The following ACTL8 variants were observed in gnomAD, a reference collection of about 807,000 sequenced individuals.
The protein encoded by ACTL8 is actin like 8.
ACTL8 carries 3 observed loss-of-function variants against 9.3 expected under a neutral mutation model. The ratio of observed to expected loss-of-function variants is 0.32; its 90% CI spans 0.15 to 0.83. ACTL8 has a LOEUF of 0.83. Among genes scored for constraint, ACTL8 ranks in the 40% least tolerant of loss-of-function variants. The pLI, the probability that ACTL8 is intolerant of heterozygous loss-of-function variation, is 0.57. For synonymous variants in ACTL8, 224 were observed against 205.9 expected (o/e 1.09, Z -0.75); for missense variants, 381 against 492.2 (o/e 0.77, Z 2.14).
intron 1 of ACTL8, among the ~76,000 whole-genome samples, chr1:17,792,066 G>C (rs1222717892): frequency 6.6e-6 from 1 of 152,128 alleles, no homozygotes; most frequent in East Asian, 1.9e-4. Context: ...ACCCCAATGG[G>C]CCCCTCTCAG....
intron 1 of ACTL8, among the ~76,000 whole-genome samples, chr1:17,776,988 T>C (rs1462021749): frequency 2.3e-5 from 3 of 131,638 alleles, no homozygotes; most frequent in African/African-American, 6.1e-5. Context: ...TTTTTTTTTT[T>C]TTTTTTTTTT....
At chr1:17,807,752 C>A (rs2066368557) in intron 1 of ACTL8, among the ~76,000 whole-genome samples, 1 of 151,970 alleles carries the variant, frequency 6.6e-6, no homozygotes, top group Non-Finnish European at 1.5e-5. Flanking sequence ...GATCAGAAAA[C>A]CAAACACCAC....
chr1:17,809,779 C>G (rs1359252699), intron 1 of ACTL8, among the ~76,000 whole-genome samples: 1 of 151,974 alleles, frequency 6.6e-6, no homozygotes, highest in Admixed American at 6.6e-5. Flanking sequence ...CCCACTGATT[C>G]TACATGATGG....
rs60274430 is a variant in ACTL8, at chr1:17,787,205, T to C, written c.-25+31701T>C. Among the ~76,000 whole-genome samples the C allele has an allele frequency of 7.0e-3, 1,072 of 152,292 alleles. 85 individuals carry two copies. The East Asian group carries it at 0.17, about 25-fold the overall frequency. On this transcript the variant is annotated intron_variant, in intron 1 of 2. Transcript: ENST00000375406. The stretch of plus-strand genomic sequence containing the variant: ...TTACAAACATATATGAATGCTTTCC[T>C]GGATCTTTTCTTATTCAACCATGTC...
chr1:17,806,989 C>T (rs115058608), intron 1 of ACTL8, among the ~76,000 whole-genome samples: 107 of 152,276 alleles, frequency 7.0e-4, no homozygotes, highest in African/African-American at 1.7e-3. Context: ...ATGTCTTTGC[C>T]GTTTCCAGCT....
At chr1:17,758,329 T>A (rs946924244) in intron 1 of ACTL8, among the ~76,000 whole-genome samples, 1 of 152,208 alleles carries the variant, frequency 6.6e-6, no homozygotes, top group Non-Finnish European at 1.5e-5. Flanking sequence ...GGTGAATTGA[T>A]TAGAGTGTCT....
At chr1:17,775,448 C>T (rs1157252054) in intron 1 of ACTL8, among the ~76,000 whole-genome samples, 2 of 152,018 alleles carry the variant, frequency 1.3e-5, no homozygotes, top group Non-Finnish European at 2.9e-5. Flanking sequence ...TGGAAGATTC[C>T]GGAGGGAAGT....
At chr1:17,797,252 G>T (rs1231600533) in intron 1 of ACTL8, among the ~76,000 whole-genome samples, 1 of 152,196 alleles carries the variant, frequency 6.6e-6, no homozygotes, top group Non-Finnish European at 1.5e-5. Flanking sequence ...TACTGTGGCA[G>T]TTCGCGGTGA....
rs140184490 is a variant in ACTL8 at position 17,757,674 on chromosome 1, C to T, written c.-25+2170C>T. 3.2e-3 allele frequency among the ~76,000 whole-genome samples: 482 copies of T among 152,154 alleles called. 4 individuals are homozygous for T. The highest frequency in any genetic ancestry group is 6.3e-3 in the Admixed American group (97 of 15,284). ...CAGATCTCAGCATGTTCCACGGTGG[C>T]GGGTATACACAGACCTAGGAGGAAA... On this transcript the variant is annotated intron_variant, in intron 1 of 2. Coordinates refer to ENST00000375406, the MANE Select transcript of ACTL8 (RefSeq NM_030812.3).
chr1:17,790,207 C>T (rs1306154918), intron 1 of ACTL8, among the ~76,000 whole-genome samples: 1 of 152,224 alleles, frequency 6.6e-6, no homozygotes, highest in African/African-American at 2.4e-5. Flanking sequence ...TGCCAGGAAC[C>T]ACAGGGCCCC....
intron 1 of ACTL8, among the ~76,000 whole-genome samples, chr1:17,797,287 T>C (rs1847234): frequency 0.21 from 32,694 of 152,082 alleles, 4,351 homozygotes; most frequent in Admixed American, 0.38. Context: ...CCAAGCCCTG[T>C]CATGAGGGCA....
chr1:17,787,421 G>A (rs1399512988), intron 1 of ACTL8, among the ~76,000 whole-genome samples: 2 of 152,028 alleles, frequency 1.3e-5, no homozygotes, highest in Admixed American at 6.6e-5. Context: ...GTGCCACCAC[G>A]CCCAGCTAAA....
chr1:17,768,740 A>T (rs1386612919), intron 1 of ACTL8, among the ~76,000 whole-genome samples: 1 of 152,124 alleles, frequency 6.6e-6, no homozygotes, highest in Non-Finnish European at 1.5e-5. Flanking sequence ...GGCTCACTGC[A>T]GGGGCGAAGG....
At chr1:17,766,815 C>T (rs532411803) in intron 1 of ACTL8, among the ~76,000 whole-genome samples, 1 of 148,042 alleles carries the variant, frequency 6.8e-6, no homozygotes, top group African/African-American at 2.6e-5. Flanking sequence ...CTGGAACTTA[C>T]TGCATTTTTT....
At chr1:17,818,586 C>T (rs1354904712) in intron 1 of ACTL8, among the ~76,000 whole-genome samples, 1 of 152,252 alleles carries the variant, frequency 6.6e-6, no homozygotes, top group Non-Finnish European at 1.5e-5. Flanking sequence ...TTGTCTTCCT[C>T]AGGGCCTTTG....
At chr1:17,806,242 T>A (rs952672843) in intron 1 of ACTL8, among the ~76,000 whole-genome samples, 1 of 152,232 alleles carries the variant, frequency 6.6e-6, no homozygotes, top group African/African-American at 2.4e-5. Context: ...TAATGGGGGT[T>A]TCTGAATGCC....
intron 1 of ACTL8, among the ~76,000 whole-genome samples, chr1:17,818,164 A>G (rs1445454477): frequency 6.6e-6 from 1 of 152,236 alleles, no homozygotes; most frequent in Non-Finnish European, 1.5e-5. Flanking sequence ...TTTCCATCAT[A>G]GTAAATGGAT....
intron 1 of ACTL8, among the ~76,000 whole-genome samples, chr1:17,758,417 G>A (rs1332154260): frequency 2.6e-5 from 4 of 152,176 alleles, no homozygotes; most frequent in African/African-American, 4.8e-5. Flanking sequence ...TTCTAGGCCC[G>A]GTAGCCAAAA....
intron 1 of ACTL8, among the ~76,000 whole-genome samples, chr1:17,761,627 G>C (rs1290058396): frequency 6.6e-6 from 1 of 152,020 alleles, no homozygotes; most frequent in Non-Finnish European, 1.5e-5. Flanking sequence ...CTGGAGTGCA[G>C]TGGTGTGATC....
Sources: gnomAD v4.1 joint callset for allele counts (sites outside exome capture counted in the v4.1 genomes callset) on GRCh38, gnomAD v4.1.1 for gene constraint, MANE v1.5 for transcripts, NCBI Gene and HGNC (gene_info 2026-07-23, HGNC 2026-07-21) for gene names.